C16orf96: variants seen among roughly 807,000 people sequenced by gnomAD.
C16orf96 encodes the protein uncharacterized protein C16orf96.
A neutral mutation model predicts 103.6 loss-of-function variants in C16orf96; 108 were observed. The ratio of observed to expected loss-of-function variants is 1.04; its 90% confidence interval spans 0.89 to 1.22. The LOEUF is 1.22. C16orf96 is among the 50% of genes most tolerant of loss of function. The pLI, the probability that C16orf96 is intolerant of heterozygous loss-of-function variation, is 0.00. For missense variants in C16orf96, 1,586 were observed against 1,464.2 expected (o/e 1.08, Z -1.36); for synonymous variants, 566 against 593.5 (o/e 0.95, Z 0.67).
At chr16:4,599,215 C>T in intron 14 of C16orf96, 69 bp from the exon 15 acceptor site, 2 of 1,389,078 alleles carry the variant, frequency 1.4e-6, no homozygotes, top group Non-Finnish European at 2.0e-6. Context: ...CTGCCCAGTG[C>T]TGGGATCGGC....
upstream of C16orf96, among the ~76,000 whole-genome samples, chr16:4,555,562 G>A (rs1234724788): frequency 2.0e-5 from 3 of 151,892 alleles, no homozygotes; most frequent in Admixed American, 1.3e-4. Context: ...TAGTAGAGGC[G>A]GAGTTTCACC....
Position 4,600,488 on chromosome 16 carries a change from CG to C in C16orf96, c.*172del. ...TCCATGTCCGAGGCTGAGGCTCATGCGCCCCCCCCCATCCCTACCAAGTCCC... is the reference window on the plus strand; with the variant it reads ...TCCATGTCCGAGGCTGAGGCTCATGCCCCCCCCCCATCCCTACCAAGTCCC... On this transcript the variant is annotated 3_prime_UTR_variant, in exon 16 of 16. Transcript: ENST00000444310. 1 of 419,490 alleles carries C rather than the reference CG, an allele frequency of 2.4e-6. No individual in the cohort carries two copies. Among genetic ancestry groups the C allele is most frequent in the Non-Finnish European group, 4.2e-6 (1 of 236,856 alleles). 26.0% of individuals were successfully genotyped at this position (419,490 alleles called of 1,614,324 possible). A position where few individuals can be genotyped will look rare whatever the true frequency, so the allele number is the denominator to read the frequency against.
In C16orf96 at chr16:4,576,149, C is replaced by T; in HGVS notation, c.1669C>T (p.Pro557Ser). Residue 557 changes from proline to serine, a missense_variant, in exon 5 of 16, where the codon CCC becomes TCC. By Grantham distance (74) the Pro-to-Ser change is moderately conservative. Coordinates refer to ENST00000444310, the MANE Select transcript of C16orf96 (RefSeq NM_001145011.2). The part of the protein sequence containing the change: ...GAPKEAQPKA[P>S]QSALHRLKTT... ...CCCCAAGGAAGCACAGCCTAAGGCT[C>T]CCCAGTCTGCCCTTCACCGGCTGAA... The T allele has an allele frequency of 6.4e-7, 1 of 1,551,330 alleles. No homozygotes were observed. The highest frequency in any genetic ancestry group is 1.2e-5 in the South Asian group (1 of 84,068).
chr16:4,548,574 A>G, the C16orf96 span, among the ~76,000 whole-genome samples: 226 of 152,346 alleles, frequency 1.5e-3, no homozygotes, highest in African/African-American at 5.1e-3. Flanking sequence ...GCCTAAAAGT[A>G]TGAAAAGCAG....
At chr16:4,594,868 G>T in intron 14 of C16orf96, 65 bp downstream of exon 14, 1 of 1,498,048 alleles carries the variant, frequency 6.7e-7, no homozygotes, top group Non-Finnish European at 9.1e-7. Flanking sequence ...GGCAGGGTGA[G>T]AGGGTGCAGG....
Position 4,593,081 on chromosome 16 carries a change from A to G in C16orf96, c.2775-143A>G. ...GGCCCCTTCTACTTCTATGCTGTGG[A>G]CGCTTCTGGCATTCGAGGGTGGTGA... is the stretch of plus-strand genomic sequence containing the variant. On this transcript the variant is annotated intron_variant, in intron 11 of 15. Transcript: ENST00000444310. This position sits in a 1 kb window ranked among gnomAD's most constrained non-coding sequence, Gnocchi z 4.2. The G allele has an allele frequency of 1.4e-6, 1 of 724,256 alleles. No individual in the cohort carries two copies. The highest frequency in any genetic ancestry group is 2.3e-6 in the Non-Finnish European group (1 of 426,764). The allele number at this position is 724,256 out of a possible 1,614,324, so 44.9% of individuals were successfully genotyped here.
chr16:4,575,378 C>G lies in C16orf96; in HGVS notation c.898C>G (p.Leu300Val), dbSNP rs1458080945. 3.2e-6 allele frequency: 5 copies of G among 1,551,040 alleles called. No individual in the cohort carries two copies. Among genetic ancestry groups the G allele is most frequent in the South Asian group, 1.2e-5 (1 of 84,066 alleles). The change falls in exon 5 of 16, where the codon CTC (leucine) becomes GTC (valine). Residue 300 changes from leucine (L) to valine (V), a missense_variant. Physicochemically the swap from Leu to Val is conservative, Grantham distance 32. Transcript: ENST00000444310. ...GGGCTCATCTGCCCAAGCAGTTTCA[C>G]TCAGCAGAGCCCAGGAGCCAGCGCA... ...PEGSSAQAVSLSRAQEPAQPP... is the reference protein window; with the variant it reads ...PEGSSAQAVSVSRAQEPAQPP...
chr16:4,591,141 T>C (rs1349107284), intron 9 of C16orf96, among the ~76,000 whole-genome samples: 2 of 151,982 alleles, frequency 1.3e-5, no homozygotes, highest in African/African-American at 2.4e-5. Context: ...GAGCAGAGAT[T>C]GCACCACTGC....
Position 4,600,070 on chromosome 16 carries a change from A to G in C16orf96, c.3209-30A>G, listed in dbSNP as rs547320220. 118 of 1,539,932 alleles carry G rather than the reference A, an allele frequency of 7.7e-5. No individual in the cohort carries two copies. In the South Asian group the frequency reaches 1.3e-3, roughly 17 times the overall value. On this transcript the variant is annotated intron_variant, in intron 15 of 15. Coordinates refer to ENST00000444310, the MANE Select transcript of C16orf96 (RefSeq NM_001145011.2). Reference sequence around the variant, plus strand: ...TGTCTCCCAAGAAGGTTCTTGGCACACATCTAGGGTTTCTCCTGCCCCTCC... The same window carrying G: ...TGTCTCCCAAGAAGGTTCTTGGCACGCATCTAGGGTTTCTCCTGCCCCTCC...
At chr16:4,581,828 T>C (rs908850055) in intron 7 of C16orf96, among the ~76,000 whole-genome samples, 14 of 151,530 alleles carry the variant, frequency 9.2e-5, no homozygotes, top group African/African-American at 3.4e-4. Context: ...TGGTAGCACA[T>C]GCCTGTAGTC....
intron 1 of C16orf96, chr16:4,561,609 C>A (rs2059332195): frequency 1.3e-5 from 2 of 152,400 alleles, no homozygotes; most frequent in East Asian, 1.9e-4. Context: ...AGGTTCAGAC[C>A]TAGCTGTACA....
At position 4,593,406 on chromosome 16, in the gene C16orf96, C is replaced by G; in HGVS notation, c.2867+90C>G. The G allele has an allele frequency of 8.1e-7, 1 of 1,231,020 alleles. No homozygotes were observed. Among genetic ancestry groups the G allele is most frequent in the Non-Finnish European group, 1.1e-6 (1 of 871,300 alleles). The allele number at this position is 1,231,020 out of a possible 1,614,324, so 76.3% of individuals were successfully genotyped here. On this transcript the variant is annotated intron_variant, in intron 12 of 15. Transcript: ENST00000444310. The surrounding 1 kb of genome is among the most constrained non-coding windows in gnomAD (Gnocchi z 4.2). ...CCCTGTTCCTGCAGAGACACATCCT[C>G]CAGGCCCAGGGACCTAAGATTGTCC...
intron 7 of C16orf96, among the ~76,000 whole-genome samples, chr16:4,584,595 C>T (rs556568351): frequency 4.4e-4 from 67 of 152,000 alleles, no homozygotes; most frequent in African/African-American, 1.5e-3. Flanking sequence ...AGTGCAATGG[C>T]GCAATCTTGG....
chr16:4,598,524 G>C (rs1897220798), intron 14 of C16orf96, among the ~76,000 whole-genome samples: 1 of 152,118 alleles, frequency 6.6e-6, no homozygotes, highest in South Asian at 2.1e-4. Context: ...ACAAGATAGT[G>C]GTGGTGGTGT....
At position 4,576,421 on chromosome 16, in the gene C16orf96, C is replaced by T. The variant is rs2059510556; in HGVS notation, c.1941C>T (p.Ile647=). The change falls in exon 5 of 16, where the codon ATC becomes ATT. Residue 647 remains isoleucine (I), a synonymous_variant. Coordinates refer to ENST00000444310, the MANE Select transcript of C16orf96 (RefSeq NM_001145011.2). ...GCGATGATTCCGAAATCTACGAAAT[C>T]CTCTCTCCCTCCTACTCTGCTGCCA... ...ILGDDSEIYE[I]LSPSYSAASI... 1 of 1,551,052 alleles carries T rather than the reference C, an allele frequency of 6.4e-7. No homozygotes were observed. Among genetic ancestry groups the T allele is most frequent in the Admixed American group, 2.0e-5 (1 of 50,976 alleles).
chr16:4,591,169 A>T (rs1897050722), intron 9 of C16orf96, among the ~76,000 whole-genome samples: 1 of 152,242 alleles, frequency 6.6e-6, no homozygotes, highest in South Asian at 2.1e-4. Flanking sequence ...CCTGGGCAAC[A>T]GAGCGAGACT....
At chr16:4,594,903 C>G in intron 14 of C16orf96, 100 bp downstream of exon 14, 1 of 1,274,256 alleles carries the variant, frequency 7.8e-7, no homozygotes, top group African/African-American at 1.5e-5. Flanking sequence ...AGCACTATCC[C>G]TGACCGGGGA....
rs772706002 is a variant in C16orf96, at chr16:4,588,254, ATAC to A, written c.2517_2519del (p.Leu840del). On this transcript the variant is annotated inframe_deletion, in exon 9 of 16. Coordinates refer to ENST00000444310, the MANE Select transcript of C16orf96 (RefSeq NM_001145011.2). The stretch of plus-strand genomic sequence containing the variant: ...GGAGCTGAACGAGATGATTCAGGGC[ATAC>A]TCTTCAAGGTCACGATCCATGAGGA... 3.2e-6 allele frequency: 5 copies of A among 1,551,722 alleles called. No individual in the cohort carries two copies. The highest frequency in any genetic ancestry group is 4.4e-6 in the Non-Finnish European group (5 of 1,146,990).
At chr16:4,563,964 G>A (rs948944267) in intron 1 of C16orf96, among the ~76,000 whole-genome samples, 6 of 151,008 alleles carry the variant, frequency 4.0e-5, no homozygotes, top group Non-Finnish European at 8.8e-5. Context: ...TTCGGAGGCC[G>A]AAGTGGGCGG....
Sources: allele counts gnomAD v4.1 joint callset (sites outside exome capture counted in the v4.1 genomes callset), GRCh38; gene constraint gnomAD v4.1.1; non-coding constraint Gnocchi (gnomAD v3.1); transcripts MANE v1.5; gene names NCBI Gene and HGNC (gene_info 2026-07-23, HGNC 2026-07-21).